IQCM: variants seen among roughly 807,000 people sequenced by gnomAD.
IQCM encodes IQ motif containing M.
IQCM carries 45 observed loss-of-function variants against 57.6 expected under a neutral mutation model. That is an observed-to-expected ratio of 0.78 (90% CI 0.62 to 1.00). The LOEUF is 1.00. Ranked by LOEUF, IQCM falls within the 50% of genes least tolerant of loss-of-function variation. The pLI, the probability that IQCM is intolerant of heterozygous loss-of-function variation, is 0.00. For synonymous variants in IQCM, 148 were observed against 158.9 expected (o/e 0.93, Z 0.51); for missense variants, 468 against 511.6 (o/e 0.91, Z 0.82).
intron 2 of IQCM, among the ~76,000 whole-genome samples, chr4:149,751,419 T>C (rs1230054969): frequency 2.0e-5 from 3 of 152,204 alleles, no homozygotes; most frequent in African/African-American, 4.8e-5. Flanking sequence ...CCAGGCTTAA[T>C]CACTTCCTAA....
intron 12 of IQCM, among the ~76,000 whole-genome samples, chr4:149,479,396 A>G (rs1740540778): frequency 6.6e-6 from 1 of 152,234 alleles, no homozygotes; most frequent in African/African-American, 2.4e-5. Context: ...AATACCAATG[A>G]TAATAATTAC....
At chr4:149,637,612 G>T (rs1757839339) in intron 7 of IQCM, among the ~76,000 whole-genome samples, 1 of 152,148 alleles carries the variant, frequency 6.6e-6, no homozygotes, top group African/African-American at 2.4e-5. Context: ...AGGCATACAT[G>T]ACATGACTTC....
chr4:149,767,460 A>G (rs768921696), intron 2 of IQCM, among the ~76,000 whole-genome samples: 1 of 152,108 alleles, frequency 6.6e-6, no homozygotes, highest in Non-Finnish European at 1.5e-5. Flanking sequence ...TTATTTCACT[A>G]TATTTAATTA....
At chr4:149,750,787 GT>G (rs1768363572) in intron 2 of IQCM, among the ~76,000 whole-genome samples, 1 of 152,100 alleles carries the variant, frequency 6.6e-6, no homozygotes, top group Non-Finnish European at 1.5e-5. Context: ...TATGTTAACA[GT>G]TAAAGACAAC....
intron 2 of IQCM, among the ~76,000 whole-genome samples, chr4:149,799,949 A>C (rs534314069): frequency 6.6e-6 from 1 of 152,136 alleles, no homozygotes; most frequent in South Asian, 2.1e-4. Flanking sequence ...AATTCCATTC[A>C]AACTATTCTA....
At chr4:149,565,724 T>C (rs1194632390) in intron 9 of IQCM, among the ~76,000 whole-genome samples, 5 of 152,290 alleles carry the variant, frequency 3.3e-5, no homozygotes, top group Middle Eastern at 3.4e-3. Context: ...TTGTGCTGTA[T>C]ATTTATTTTT....
chr4:149,620,542 T>A (rs934958006), intron 8 of IQCM, among the ~76,000 whole-genome samples: 6 of 152,248 alleles, frequency 3.9e-5, no homozygotes. Context: ...CGTGGCCTTT[T>A]AAGAAATTGT....
intron 12 of IQCM, among the ~76,000 whole-genome samples, chr4:149,453,274 T>G (rs894979005): frequency 4.0e-5 from 6 of 151,726 alleles, no homozygotes; most frequent in East Asian, 1.9e-4. Flanking sequence ...CAGGAGTAAA[T>G]TTTCATAACC....
chr4:149,607,904 G>C (rs1490965257), intron 8 of IQCM, among the ~76,000 whole-genome samples: 1 of 151,818 alleles, frequency 6.6e-6, no homozygotes, highest in African/African-American at 2.4e-5. Flanking sequence ...CAAAATGGCA[G>C]TAGTAAGTCC....
intron 12 of IQCM, among the ~76,000 whole-genome samples, chr4:149,521,005 G>A (rs1745583727): frequency 6.6e-6 from 1 of 152,164 alleles, no homozygotes; most frequent in South Asian, 2.1e-4. Context: ...CTGTGATGAT[G>A]CAGAGCTAAA....
At chr4:149,488,094 A>G (rs903856901) in intron 12 of IQCM, among the ~76,000 whole-genome samples, 1 of 152,090 alleles carries the variant, frequency 6.6e-6, no homozygotes, top group Non-Finnish European at 1.5e-5. Flanking sequence ...ATATTTAAAC[A>G]TATTTTATCA....
chr4:149,498,455 G>A (rs1057271936), intron 12 of IQCM, among the ~76,000 whole-genome samples: 4 of 152,146 alleles, frequency 2.6e-5, no homozygotes, highest in African/African-American at 9.7e-5. Flanking sequence ...AAGTAGCCAG[G>A]CTTCGACTTC....
At chr4:149,707,584 C>A (rs543054017) in intron 5 of IQCM, among the ~76,000 whole-genome samples, 92 of 152,082 alleles carry the variant, frequency 6.0e-4, no homozygotes, top group African/African-American at 1.9e-3. Flanking sequence ...GTGATAGACT[C>A]CCCAAGCTCA....
At chr4:149,671,949 C>A (rs1761327306) in intron 7 of IQCM, among the ~76,000 whole-genome samples, 1 of 152,138 alleles carries the variant, frequency 6.6e-6, no homozygotes, top group Non-Finnish European at 1.5e-5. Context: ...CAGGCAGCAA[C>A]ATTTGCCCCT....
At chr4:149,640,337 T>C (rs1174910461) in intron 7 of IQCM, among the ~76,000 whole-genome samples, 2 of 152,202 alleles carry the variant, frequency 1.3e-5, no homozygotes, top group Non-Finnish European at 2.9e-5. Flanking sequence ...CAGAACAATA[T>C]TGTATTAAAT....
chr4:149,541,765 G>T (rs1173672392), intron 12 of IQCM, among the ~76,000 whole-genome samples: 1 of 151,026 alleles, frequency 6.6e-6, no homozygotes, highest in African/African-American at 2.4e-5. Context: ...TAAGAATAAA[G>T]AATGAAAAAA....
intron 12 of IQCM, among the ~76,000 whole-genome samples, chr4:149,496,104 T>C (rs1742630346): frequency 6.6e-6 from 1 of 152,070 alleles, no homozygotes; most frequent in Non-Finnish European, 1.5e-5. Context: ...TGCAATAAAG[T>C]CTTCTCTAAA....
At chr4:149,663,467 T>G (rs539566918) in intron 7 of IQCM, among the ~76,000 whole-genome samples, 3 of 152,220 alleles carry the variant, frequency 2.0e-5, no homozygotes, top group Non-Finnish European at 4.4e-5. Flanking sequence ...AAGCATTTCT[T>G]GTAAGGCTAG....
intron 12 of IQCM, among the ~76,000 whole-genome samples, chr4:149,437,642 T>A (rs1477125358): frequency 6.6e-6 from 1 of 151,890 alleles, no homozygotes; most frequent in African/African-American, 2.4e-5. Flanking sequence ...GAGCCTGGAG[T>A]ATTTAAGACA....
Sources: gnomAD v4.1 joint callset for allele counts (sites outside exome capture counted in the v4.1 genomes callset) on GRCh38, gnomAD v4.1.1 for gene constraint, MANE v1.5 for transcripts, NCBI Gene and HGNC (gene_info 2026-07-23, HGNC 2026-07-21) for gene names.